Variants in MAPKAPK2 observed in about 807,000 individuals in gnomAD.
MAPKAPK2 encodes the protein MAP kinase-activated protein kinase 2.
Under a neutral mutation model 48.8 loss-of-function variants are expected in MAPKAPK2, and 9 were observed. The ratio of observed to expected loss-of-function variants is 0.18; its 90% CI spans 0.11 to 0.32. The LOEUF is 0.32. MAPKAPK2 is among the 10% of genes least tolerant of loss of function. The pLI is 1.00. For missense variants in MAPKAPK2, 331 were observed against 498.3 expected, an observed-to-expected ratio of 0.66 and a Z score of 3.20; for synonymous variants, 202 against 190.6, an observed-to-expected ratio of 1.06 and a Z score of -0.49.
At chr1:206,724,047 T>C (rs1553431598) in intron 1 of MAPKAPK2, among the ~76,000 whole-genome samples, 1 of 152,248 alleles carries the variant, frequency 6.6e-6, no homozygotes, top group Non-Finnish European at 1.5e-5. Flanking sequence ...TTAAAATATT[T>C]CACAATTCCT....
chr1:206,722,958 C>T lies in MAPKAPK2; in HGVS notation c.280-5752C>T, dbSNP rs569486564. On this transcript the variant is annotated intron_variant, in intron 1 of 9. Transcript: ENST00000367103. Reference sequence around the variant, plus strand: ...GTGTGTGACACACGTGGCTTTCCCCCGACCCCCAGCTGCCTCCTGGGAGTG... The same window carrying T: ...GTGTGTGACACACGTGGCTTTCCCCTGACCCCCAGCTGCCTCCTGGGAGTG... Among the ~76,000 whole-genome samples, 9 of 152,346 alleles carry T rather than the reference C, an allele frequency of 5.9e-5. No individual in the cohort carries two copies. In the South Asian group the frequency reaches 1.4e-3, roughly 25 times the overall value.
rs1027756883 is a variant in MAPKAPK2, at chr1:206,733,655, C to T, written c.*937C>T. 41 of 152,400 alleles carry T rather than the reference C, an allele frequency of 2.7e-4. No individual in the cohort carries two copies. The highest frequency in any genetic ancestry group is 9.9e-4 in the African/African-American group (41 of 41,532). The allele number at this position is 152,400 out of a possible 1,614,324, so 9.4% of individuals were successfully genotyped here. A position where few individuals can be genotyped will look rare whatever the true frequency, so the allele number is the denominator to read the frequency against. ...GAGGCACTCATCTACTGAATGACCT[C>T]TCTACTTCCCCTTCTTGCCATTATT... On this transcript the variant is annotated 3_prime_UTR_variant, in exon 10 of 10. Coordinates refer to ENST00000367103, the MANE Select transcript of MAPKAPK2 (RefSeq NM_032960.4).
intron 1 of MAPKAPK2, among the ~76,000 whole-genome samples, chr1:206,722,178 G>A (rs529087840): frequency 1.3e-5 from 2 of 152,050 alleles, no homozygotes; most frequent in South Asian, 4.2e-4. Flanking sequence ...GGCTAACACG[G>A]TGAAACCCCG....
chr1:206,701,828 C>G (rs1437973223), intron 1 of MAPKAPK2, among the ~76,000 whole-genome samples: 1 of 82,818 alleles, frequency 1.2e-5, no homozygotes, highest in Non-Finnish European at 2.3e-5. Context: ...GAGACCCTGT[C>G]TCTAAAAAAA....
intron 1 of MAPKAPK2, among the ~76,000 whole-genome samples, chr1:206,689,021 G>A (rs1327792562): frequency 1.3e-5 from 2 of 152,132 alleles, no homozygotes; most frequent in Admixed American, 1.3e-4. Flanking sequence ...TCAGCTGCTT[G>A]CCGCTTCACT....
chr1:206,703,937 G>A (rs1488878379), intron 1 of MAPKAPK2, among the ~76,000 whole-genome samples: 2 of 152,368 alleles, frequency 1.3e-5, no homozygotes, highest in Admixed American at 1.3e-4. Flanking sequence ...GCTTGAGAGT[G>A]CCCTGCACCC....
intron 1 of MAPKAPK2, among the ~76,000 whole-genome samples, chr1:206,709,044 G>A (rs1673054423): frequency 6.6e-6 from 1 of 152,226 alleles, no homozygotes; most frequent in Non-Finnish European, 1.5e-5. Flanking sequence ...TAAAGCTCCT[G>A]TTAACATTCT....
At chr1:206,693,196 A>C (rs1464862511) in intron 1 of MAPKAPK2, among the ~76,000 whole-genome samples, 7 of 152,186 alleles carry the variant, frequency 4.6e-5, no homozygotes, top group Non-Finnish European at 7.4e-5. Flanking sequence ...CCTCCTGCCC[A>C]GGGCCCAGAA....
Position 206,732,985 on chromosome 1 carries a change from G to T in MAPKAPK2, c.*267G>T. The stretch of plus-strand genomic sequence containing the variant: ...GCAATTTTATCAGTAATTTGACTTA[G>T]AGTTTTTACGAAACCTCTTTTGTTG... On this transcript the variant is annotated 3_prime_UTR_variant, in exon 10 of 10. Transcript: ENST00000367103. The surrounding 1 kb of genome is among the most constrained non-coding windows in gnomAD (Gnocchi z 4.4). 6.8e-6 allele frequency: 3 copies of T among 443,126 alleles called. No homozygotes were observed. The highest frequency in any genetic ancestry group is 1.2e-5 in the Non-Finnish European group (3 of 247,246). The allele number at this position is 443,126 out of a possible 1,614,324, so 27.4% of individuals were successfully genotyped here.
At chr1:206,709,972 G>A (rs17014609) in intron 1 of MAPKAPK2, among the ~76,000 whole-genome samples, 190 of 152,206 alleles carry the variant, frequency 1.2e-3, no homozygotes, top group African/African-American at 4.4e-3. Context: ...CTATTCCCAA[G>A]GTGTAGAGCT....
Position 206,685,330 on chromosome 1 carries a change from A to AGCCGCCGCC in MAPKAPK2, c.108_116dup (p.Pro38_Pro40dup), listed in dbSNP as rs782493788. ...CCTGCCCTGCCGCACCCCCCGGCGC[A>AGCCGCCGCC]GCCGCCGCCGCCGCCCCCGCAGCAG... On this transcript the variant is annotated inframe_insertion, in exon 1 of 10. Coordinates refer to ENST00000367103, the MANE Select transcript of MAPKAPK2 (RefSeq NM_032960.4). The AGCCGCCGCC allele has an allele frequency of 4.0e-5, 43 of 1,087,182 alleles. No individual in the cohort carries two copies. Among genetic ancestry groups the AGCCGCCGCC allele is most frequent in the African/African-American group, 1.1e-4 (6 of 53,512 alleles). 67.3% of individuals were successfully genotyped at this position (1,087,182 alleles called of 1,614,324 possible).
In MAPKAPK2 at chr1:206,732,441, TTC is replaced by T; in HGVS notation, c.1060-126_1060-125del. 2 of 1,486,396 alleles carry T rather than the reference TTC, an allele frequency of 1.3e-6. No homozygotes were observed. Among genetic ancestry groups the T allele is most frequent in the South Asian group, 1.4e-5 (1 of 72,276 alleles). 92.1% of individuals were successfully genotyped at this position (1,486,396 alleles called of 1,614,324 possible). A position where few individuals can be genotyped will look rare whatever the true frequency, so the allele number is the denominator to read the frequency against. On this transcript the variant is annotated intron_variant, in intron 9 of 9. Coordinates refer to ENST00000367103, the MANE Select transcript of MAPKAPK2 (RefSeq NM_032960.4). This position sits in a 1 kb window ranked among gnomAD's most constrained non-coding sequence, Gnocchi z 4.4. ...AGCGTGGACCACTAACCAGCCCGTC[TTC>T]TCTCTCTGCTCCCACCCCTGCCGCC...
intron 1 of MAPKAPK2, among the ~76,000 whole-genome samples, chr1:206,706,201 A>T (rs1672954414): frequency 6.6e-6 from 1 of 151,610 alleles, no homozygotes; most frequent in Non-Finnish European, 1.5e-5. Flanking sequence ...TGGTCTTCCC[A>T]CAGGGACAGG....
intron 3 of MAPKAPK2, 105 bp downstream of exon 3, chr1:206,729,204 G>A: frequency 1.6e-6 from 2 of 1,275,490 alleles, no homozygotes; most frequent in Non-Finnish European, 1.1e-6. Flanking sequence ...TGAGGCTGCT[G>A]CCCCCTCCAG....
Position 206,730,070 on chromosome 1 carries a change from C to T in MAPKAPK2, c.663C>T (p.Thr221=), listed in dbSNP as rs782263021. The T allele has an allele frequency of 2.5e-6, 4 of 1,614,240 alleles. No homozygotes were observed. The highest frequency in any genetic ancestry group is 3.4e-6 in the Non-Finnish European group (4 of 1,180,038). ...AAACCACCAGCCACAACTCTTTGAC[C>T]ACTCCTTGTTATACACCGTACTATG... ...AKETTSHNSL[T]TPCYTPYYVA... Residue 221 remains threonine (T), a synonymous_variant, in exon 5 of 10, where the codon ACC becomes ACT. Coordinates refer to ENST00000367103, the MANE Select transcript of MAPKAPK2 (RefSeq NM_032960.4).
intron 1 of MAPKAPK2, among the ~76,000 whole-genome samples, chr1:206,726,415 A>C (rs1237625900): frequency 4.6e-5 from 7 of 152,226 alleles, no homozygotes; most frequent in African/African-American, 1.7e-4. Context: ...ATGAAGTTGA[A>C]AGTGGCAGAA....
At position 206,730,787 on chromosome 1, in the gene MAPKAPK2, G is replaced by T; in HGVS notation, c.767+24G>T. ...CTGTGAGTGTGCTGGGGAGGGGGCT[G>T]GGTGGGGCAGGGAGTCAGGGCGGCC... On this transcript the variant is annotated intron_variant, in intron 6 of 9. Transcript: ENST00000367103. The T allele has an allele frequency of 7.9e-6, 12 of 1,511,802 alleles. 1 individual carries two copies. Among genetic ancestry groups the T allele is most frequent in the South Asian group, 2.2e-5 (2 of 89,092 alleles). 93.6% of individuals were successfully genotyped at this position (1,511,802 alleles called of 1,614,324 possible). A position where few individuals can be genotyped will look rare whatever the true frequency, so the allele number is the denominator to read the frequency against.
At position 206,734,112 on chromosome 1, in the gene MAPKAPK2, C is replaced by T. The variant is rs1553433279; in HGVS notation, c.*1394C>T. ...GGCAGGAATACTTCACCTTTCCTCT[C>T]CCTCAGGGGCAGGTGGTGGAGGGGC... On this transcript the variant is annotated 3_prime_UTR_variant, in exon 10 of 10. Coordinates refer to ENST00000367103, the MANE Select transcript of MAPKAPK2 (RefSeq NM_032960.4). The T allele has an allele frequency of 1.3e-5, 2 of 152,742 alleles. No individual in the cohort carries two copies. Among genetic ancestry groups the T allele is most frequent in the African/African-American group, 2.4e-5 (1 of 41,452 alleles). 9.5% of individuals were successfully genotyped at this position (152,742 alleles called of 1,614,324 possible). A position where few individuals can be genotyped will look rare whatever the true frequency, so the allele number is the denominator to read the frequency against.
rs1287370025 is a variant in MAPKAPK2 at position 206,723,550 on chromosome 1, G to T, written c.280-5160G>T. On this transcript the variant is annotated intron_variant, in intron 1 of 9. Coordinates refer to ENST00000367103, the MANE Select transcript of MAPKAPK2 (RefSeq NM_032960.4). The stretch of plus-strand genomic sequence containing the variant: ...AAGGGGGTCCTCCTGAGGGCCTGGG[G>T]CCTGCTCCTTCCCAGTCTTGTCTTC... Among the ~76,000 whole-genome samples the T allele has an allele frequency of 2.0e-5, 3 of 152,150 alleles. 1 individual carries two copies. In the East Asian group the frequency reaches 5.8e-4, roughly 29 times the overall value.
Sources: gnomAD v4.1 joint callset for allele counts (sites outside exome capture counted in the v4.1 genomes callset) on GRCh38, gnomAD v4.1.1 for gene constraint, Gnocchi (gnomAD v3.1) non-coding constraint, MANE v1.5 for transcripts, NCBI Gene and HGNC (gene_info 2026-07-23, HGNC 2026-07-21) for gene names.